The following RALGPS1 variants were observed in gnomAD, a reference collection of about 807,000 sequenced individuals.
The protein encoded by RALGPS1 is Ral GEF with PH domain and SH3 binding motif 1.
RALGPS1 carries 19 observed loss-of-function variants against 78.8 expected under a neutral mutation model. The ratio of observed to expected loss-of-function variants is 0.24; its 90% CI spans 0.17 to 0.35. RALGPS1 has a LOEUF of 0.35. Ranked by LOEUF, RALGPS1 falls within the 10% of genes least tolerant of loss-of-function variation. The pLI is 1.00. For synonymous variants in RALGPS1, 228 were observed against 256.3 expected (o/e 0.89, Z 1.06); for missense variants, 454 against 688.3 (o/e 0.66, Z 3.81).
intron 8 of RALGPS1, among the ~76,000 whole-genome samples, chr9:127,120,814 C>G (rs1274165553): frequency 6.7e-6 from 1 of 149,672 alleles, no homozygotes; most frequent in Non-Finnish European, 1.5e-5. Flanking sequence ...GGTGACAGAG[C>G]GAGACTCCAT....
intron 8 of RALGPS1, among the ~76,000 whole-genome samples, chr9:127,103,204 G>A (rs1048064029): frequency 1.3e-5 from 2 of 152,218 alleles, no homozygotes; most frequent in African/African-American, 4.8e-5. Context: ...AACCACAATC[G>A]TGTACGTATT....
intron 1 of RALGPS1, among the ~76,000 whole-genome samples, chr9:126,927,554 A>T (rs1336846816): frequency 6.6e-6 from 1 of 152,124 alleles, no homozygotes; most frequent in Admixed American, 6.5e-5. Flanking sequence ...TGTCAGAGCC[A>T]GTCTCCCTGA....
intron 4 of RALGPS1, among the ~76,000 whole-genome samples, chr9:127,007,073 G>A (rs533551389): frequency 5.9e-5 from 9 of 152,276 alleles, no homozygotes; most frequent in African/African-American, 1.4e-4. Context: ...GAGGGAGCTC[G>A]TAACTGTTAT....
At chr9:127,143,434 C>T (rs1190404317) in intron 8 of RALGPS1, among the ~76,000 whole-genome samples, 1 of 152,224 alleles carries the variant, frequency 6.6e-6, no homozygotes, top group Non-Finnish European at 1.5e-5. Flanking sequence ...TTACACCTCT[C>T]AGTTCTCTCC....
intron 8 of RALGPS1, among the ~76,000 whole-genome samples, chr9:127,099,074 G>T (rs2053461722): frequency 6.6e-6 from 1 of 152,204 alleles, no homozygotes; most frequent in Admixed American, 6.5e-5. Context: ...GGTGTGGGGG[G>T]AGGAGCAGAG....
intron 4 of RALGPS1, among the ~76,000 whole-genome samples, chr9:127,027,441 A>G (rs916883601): frequency 6.6e-6 from 1 of 152,198 alleles, no homozygotes; most frequent in African/African-American, 2.4e-5. Context: ...TTGTTCTCTC[A>G]CATATTTCAT....
At chr9:126,992,416 A>G (rs943775354) in intron 4 of RALGPS1, among the ~76,000 whole-genome samples, 1 of 151,272 alleles carries the variant, frequency 6.6e-6, no homozygotes, top group African/African-American at 2.5e-5. Flanking sequence ...CTCCTCTTCC[A>G]CTCCTTCCAC....
chr9:126,954,520 C>A (rs2038164391), intron 1 of RALGPS1, among the ~76,000 whole-genome samples: 1 of 152,218 alleles, frequency 6.6e-6, no homozygotes. Flanking sequence ...GGCATGGTGG[C>A]TTATGCCTGT....
intron 1 of RALGPS1, among the ~76,000 whole-genome samples, chr9:126,934,596 A>G (rs1588506196): frequency 1.3e-5 from 2 of 152,218 alleles, no homozygotes; most frequent in Non-Finnish European, 1.5e-5. Flanking sequence ...AAAACAGGGG[A>G]TGTGTTAGGG....
chr9:127,077,041 G>A (rs558367237), intron 8 of RALGPS1, among the ~76,000 whole-genome samples: 1 of 152,130 alleles, frequency 6.6e-6, no homozygotes. Flanking sequence ...GAAGGGAGGG[G>A]AAGATTGCTT....
At chr9:127,108,067 G>A (rs761857567) in intron 8 of RALGPS1, 2 of 1,611,914 alleles carry the variant, frequency 1.2e-6, no homozygotes, top group South Asian at 1.1e-5. Context: ...GTAGACCCGG[G>A]GCGGGGCAGC....
chr9:127,061,974 T>A (rs2049252301), intron 7 of RALGPS1, among the ~76,000 whole-genome samples: 2 of 152,330 alleles, frequency 1.3e-5, no homozygotes, highest in Non-Finnish European at 2.9e-5. Context: ...AATAAAAAAA[T>A]TAACAACATT....
rs528980743 is a variant in RALGPS1, at chr9:127,175,145, T to C, written c.910+363T>C. On this transcript the variant is annotated intron_variant, in intron 11 of 18. Transcript: ENST00000259351. ...GGGCTGCTGCCCAGGCTTGGGTTTATGTGCCCTGGAGGGGTGCGGAGGATG... is the reference window on the plus strand; with the variant it reads ...GGGCTGCTGCCCAGGCTTGGGTTTACGTGCCCTGGAGGGGTGCGGAGGATG... 2.0e-5 allele frequency among the ~76,000 whole-genome samples: 3 copies of C among 152,378 alleles called. No homozygotes were observed. The East Asian group carries it at 5.8e-4, about 29-fold the overall frequency.
At chr9:127,019,055 G>A (rs942166100) in intron 4 of RALGPS1, among the ~76,000 whole-genome samples, 2 of 152,174 alleles carry the variant, frequency 1.3e-5, no homozygotes, top group African/African-American at 4.8e-5. Flanking sequence ...AATTTAAAAT[G>A]TGTGGATTAC....
chr9:127,158,626 T>G (rs1181016424), intron 8 of RALGPS1, among the ~76,000 whole-genome samples: 2 of 152,152 alleles, frequency 1.3e-5, no homozygotes, highest in Admixed American at 6.5e-5. Flanking sequence ...ACTGTTGATT[T>G]TTTAAAAATT....
intron 14 of RALGPS1, among the ~76,000 whole-genome samples, chr9:127,210,051 G>A (rs541419154): frequency 4.6e-5 from 7 of 152,346 alleles, no homozygotes; most frequent in Admixed American, 4.6e-4. Flanking sequence ...TCCCCGCGAA[G>A]AGGCTGAACA....
In RALGPS1 at chr9:127,212,664, G is replaced by A. The variant is rs201112223; in HGVS notation, c.1391G>A (p.Gly464Glu). The part of the protein sequence containing the change: ...SWTRYWVILS[G>E]STLLYYGAKS... Reference sequence around the variant, plus strand: ...ACCAGGTACTGGGTCATACTCTCAGGATCCACCCTCCTGTACTACGGAGCC... The same window carrying A: ...ACCAGGTACTGGGTCATACTCTCAGAATCCACCCTCCTGTACTACGGAGCC... Residue 464 changes from glycine to glutamate, a missense_variant, in exon 16 of 19, where the codon GGA (glycine) becomes GAA (glutamate). By Grantham distance (98) the Gly-to-Glu change is moderately conservative (BLOSUM62 -2). Transcript: ENST00000259351. The surrounding 1 kb of genome is among the most constrained non-coding windows in gnomAD (Gnocchi z 6.0). 5.7e-5 allele frequency: 92 copies of A among 1,613,558 alleles called. No individual in the cohort carries two copies. Among genetic ancestry groups the A allele is most frequent in the Middle Eastern group, 3.3e-4 (2 of 6,060 alleles).
chr9:127,165,999 C>G, intron 8 of RALGPS1, 70 bp from the exon 9 acceptor site: 1 of 1,524,596 alleles, frequency 6.6e-7, no homozygotes, highest in Non-Finnish European at 8.7e-7. Context: ...CAGATCAGTA[C>G]TATTTTGTGC....
intron 1 of RALGPS1, among the ~76,000 whole-genome samples, chr9:126,920,569 T>C (rs1384542956): frequency 6.6e-6 from 1 of 152,054 alleles, no homozygotes. Flanking sequence ...AGGAGCTGAG[T>C]AGGTGGCTCA....
Sources: gnomAD v4.1 joint callset for allele counts (sites outside exome capture counted in the v4.1 genomes callset) on GRCh38, gnomAD v4.1.1 for gene constraint, Gnocchi (gnomAD v3.1) non-coding constraint, MANE v1.5 for transcripts, NCBI Gene and HGNC (gene_info 2026-07-23, HGNC 2026-07-21) for gene names.